The following ANO4 variants were observed in gnomAD, a reference collection of about 807,000 sequenced individuals.
The protein encoded by ANO4 is anoctamin-4.
ANO4 carries 69 observed loss-of-function variants against 141.9 expected under a neutral mutation model. The observed-to-expected ratio is 0.49, with a 90% CI of 0.40 to 0.59. The LOEUF is 0.59. Ranked by LOEUF, ANO4 falls within the 20% of genes least tolerant of loss-of-function variation. The pLI is 0.00. For synonymous variants in ANO4, 350 were observed against 394.3 expected, an observed-to-expected ratio of 0.89 and a Z score of 1.33; for missense variants, 894 against 1,162.2, an observed-to-expected ratio of 0.77 and a Z score of 3.36.
intron 1 of ANO4, among the ~76,000 whole-genome samples, chr12:100,838,166 G>C (rs2037043253): frequency 1.3e-5 from 2 of 149,298 alleles, no homozygotes; most frequent in South Asian, 4.2e-4. Context: ...GGAGGTGGAG[G>C]ATGCAGTGAG....
chr12:101,034,169 C>G (rs926236461), intron 9 of ANO4, among the ~76,000 whole-genome samples: 1 of 152,158 alleles, frequency 6.6e-6, no homozygotes, highest in Non-Finnish European at 1.5e-5. Context: ...AAGCATTCTA[C>G]TGTAAAGACA....
intron 7 of ANO4, 47 bp downstream of exon 7, chr12:100,974,936 C>T (rs1280991284): frequency 6.9e-6 from 11 of 1,600,968 alleles, no homozygotes; most frequent in African/African-American, 2.7e-5. Flanking sequence ...TCTGTTGGCC[C>T]GTGTGCTCCA....
chr12:100,975,310 G>A lies in ANO4; in HGVS notation c.602+421G>A, dbSNP rs1004077704. On this transcript the variant is annotated intron_variant, in intron 7 of 27. Transcript: ENST00000392977. ...CCCAATGTGCAGGCTTTCATCCCTCGCCCCCTCTTTTTAGCCCATTCTATT... is the reference window on the plus strand; with the variant it reads ...CCCAATGTGCAGGCTTTCATCCCTCACCCCCTCTTTTTAGCCCATTCTATT... 3.3e-5 allele frequency among the ~76,000 whole-genome samples: 5 copies of A among 151,644 alleles called. No homozygotes were observed. In the East Asian group the frequency reaches 5.8e-4, roughly 18 times the overall value.
At chr12:100,899,784 T>C (rs570137571) in intron 1 of ANO4, among the ~76,000 whole-genome samples, 38 of 152,374 alleles carry the variant, frequency 2.5e-4, no homozygotes, top group African/African-American at 8.9e-4. Flanking sequence ...AGACTTCTTA[T>C]TGTAGCTTTA....
At chr12:100,941,766 A>G (rs1323100531) in intron 4 of ANO4, among the ~76,000 whole-genome samples, 1 of 151,964 alleles carries the variant, frequency 6.6e-6, no homozygotes, top group Non-Finnish European at 1.5e-5. Context: ...CAGAGTGAGC[A>G]TATCAATTTT....
In ANO4 at chr12:100,781,004, T is replaced by C. The variant is rs180687945; in HGVS notation, c.358+40899T>C. Among the ~76,000 whole-genome samples, 451 of 152,326 alleles carry C rather than the reference T, an allele frequency of 3.0e-3. 5 individuals are homozygous for C. Among genetic ancestry groups the C allele is most frequent in the African/African-American group, 0.01 (419 of 41,562 alleles). On this transcript the variant is annotated intron_variant, in intron 3 of 29. Coordinates refer to the ANO4 transcript ENST00000644049. ...GCCTGCCTAGCAAACAAAATCTAATTCTCATAAATCTAGTAAATTAAATAT... is the reference window on the plus strand; with the variant it reads ...GCCTGCCTAGCAAACAAAATCTAATCCTCATAAATCTAGTAAATTAAATAT...
At chr12:100,894,756 G>A (rs1409207542) in intron 1 of ANO4, among the ~76,000 whole-genome samples, 2 of 151,948 alleles carry the variant, frequency 1.3e-5, no homozygotes, top group African/African-American at 4.8e-5. Flanking sequence ...CACGAGGTCA[G>A]GAGATTGAGA....
chr12:100,982,855 G>T (rs1235896711), intron 7 of ANO4, among the ~76,000 whole-genome samples: 1 of 152,208 alleles, frequency 6.6e-6, no homozygotes, highest in African/African-American at 2.4e-5. Flanking sequence ...ACATAATCAA[G>T]ATATTATCAC....
chr12:100,717,949 T>A (rs1296498672), intron 1 of ANO4, among the ~76,000 whole-genome samples: 1 of 152,164 alleles, frequency 6.6e-6, no homozygotes, highest in Non-Finnish European at 1.5e-5. Context: ...TATTTAAACT[T>A]TTCAGCCTCT....
intron 14 of ANO4, among the ~76,000 whole-genome samples, chr12:101,071,785 T>C (rs2048821715): frequency 6.6e-6 from 1 of 152,154 alleles, no homozygotes; most frequent in Non-Finnish European, 1.5e-5. Flanking sequence ...TGCATGCCTG[T>C]AGCAGAATAT....
intron 4 of ANO4, among the ~76,000 whole-genome samples, chr12:100,941,690 AT>A (rs1315093409): frequency 6.6e-6 from 1 of 151,992 alleles, no homozygotes; most frequent in Non-Finnish European, 1.5e-5. Context: ...CTTATCAAGA[AT>A]TTTTTCTCTA....
intron 1 of ANO4, among the ~76,000 whole-genome samples, chr12:100,893,139 G>C (rs527603778): frequency 2.6e-5 from 4 of 151,404 alleles, no homozygotes; most frequent in Non-Finnish European, 4.4e-5. Flanking sequence ...GTTAGGGGTT[G>C]GGAATAATGG....
intron 26 of ANO4, among the ~76,000 whole-genome samples, chr12:101,123,231 G>A (rs528341129): frequency 2.0e-5 from 3 of 152,044 alleles, no homozygotes; most frequent in Non-Finnish European, 4.4e-5. Context: ...CTTACCAATG[G>A]CACACTCTCT....
intron 1 of ANO4, among the ~76,000 whole-genome samples, chr12:100,819,741 T>A (rs968225891): frequency 3.5e-4 from 53 of 152,020 alleles, no homozygotes; most frequent in African/African-American, 1.2e-3. Context: ...GTTTTTAATT[T>A]GTTGACAAAA....
intron 1 of ANO4, among the ~76,000 whole-genome samples, chr12:100,727,484 T>A (rs2031182040): frequency 6.6e-6 from 1 of 152,202 alleles, no homozygotes; most frequent in African/African-American, 2.4e-5. Context: ...GTAATATAGG[T>A]ACCCTGGCTT....
intron 3 of ANO4, among the ~76,000 whole-genome samples, chr12:100,929,295 C>T (rs1464327423): frequency 6.6e-6 from 1 of 152,014 alleles, no homozygotes; most frequent in Non-Finnish European, 1.5e-5. Context: ...ATATGGTAAC[C>T]ACCATTCTAC....
chr12:101,058,579 T>C (rs898052482), intron 14 of ANO4, among the ~76,000 whole-genome samples: 8 of 152,204 alleles, frequency 5.3e-5, no homozygotes, highest in African/African-American at 1.9e-4. Flanking sequence ...GCCCTTCACA[T>C]CCCTTGTAAG....
rs560259585 is a variant in ANO4 at position 101,079,625 on chromosome 12, A to G, written c.1395+350A>G. Among the ~76,000 whole-genome samples the G allele has an allele frequency of 2.6e-5, 4 of 152,244 alleles. No homozygotes were observed. The South Asian group carries it at 8.3e-4, about 32-fold the overall frequency. On this transcript the variant is annotated intron_variant, in intron 15 of 27. Transcript: ENST00000392977. The stretch of plus-strand genomic sequence containing the variant: ...GCATTCATTTGACATCTCCAGGTAC[A>G]TGGAAGCAATCCTTCCAAGAGAATT...
chr12:100,806,524 G>GTTTTTTTTTTT lies in ANO4; in HGVS notation c.-141+11523_-141+11533dup, dbSNP rs763949654. Among the ~76,000 whole-genome samples, 46 of 59,876 alleles carry GTTTTTTTTTTT rather than the reference G, an allele frequency of 7.7e-4. 13 individuals carry two copies. Among genetic ancestry groups the GTTTTTTTTTTT allele is most frequent in the East Asian group, 3.5e-3 (5 of 1,446 alleles). The allele number at this position is 59,876 out of a possible 152,430, so 39.3% of individuals were successfully genotyped here. Reference sequence around the variant, plus strand: ...TTTTAGGAGGTTTTTTTTTTGTTTCGTTTTTTTTTTTTTTTTTTTTTTTTT... The same window carrying GTTTTTTTTTTT: ...TTTTAGGAGGTTTTTTTTTTGTTTCGTTTTTTTTTTTTTTTTTTTTTTTTTTTTTTTTTTTT... On this transcript the variant is annotated intron_variant, in intron 1 of 27. Coordinates refer to ENST00000392977, the MANE Select transcript of ANO4 (RefSeq NM_001286615.2).
Sources: allele counts gnomAD v4.1 joint callset (sites outside exome capture counted in the v4.1 genomes callset), GRCh38; gene constraint gnomAD v4.1.1; transcripts MANE v1.5; gene names NCBI Gene and HGNC (gene_info 2026-07-23, HGNC 2026-07-21).